The following ACOXL variants were observed in gnomAD, a reference collection of about 807,000 sequenced individuals.
The protein encoded by ACOXL is acyl-CoA oxidase like, also known as acyl-coenzyme A oxidase-like protein.
A neutral mutation model predicts 71.9 loss-of-function variants in ACOXL; 70 were observed. That is an observed-to-expected ratio of 0.97 (90% confidence interval 0.80 to 1.19). The LOEUF is 1.19. ACOXL is among the 50% of genes most tolerant of loss of function. The pLI is 0.00. For synonymous variants in ACOXL, 253 were observed against 281.6 expected, an observed-to-expected ratio of 0.90 and a Z score of 1.02; for missense variants, 703 against 736.3, an observed-to-expected ratio of 0.95 and a Z score of 0.52.
chr2:110,801,545 T>C, intron 7 of ACOXL, 107 bp from the exon 8 acceptor site: 1 of 968,722 alleles, frequency 1.0e-6, no homozygotes, highest in Middle Eastern at 2.2e-4. Flanking sequence ...CACCAACAAT[T>C]CTGGAAGTAA....
At chr2:111,019,177 T>C (rs994110997) in intron 14 of ACOXL, among the ~76,000 whole-genome samples, 1 of 152,230 alleles carries the variant, frequency 6.6e-6, no homozygotes, top group African/African-American at 2.4e-5. Context: ...GTACTCCAAA[T>C]GCATGCTTTG....
chr2:110,961,830 T>C (rs1351749713), intron 12 of ACOXL, among the ~76,000 whole-genome samples: 1 of 152,180 alleles, frequency 6.6e-6, no homozygotes, highest in East Asian at 1.9e-4. Context: ...AGAGGGCACG[T>C]GCAGGGGAAC....
At chr2:111,041,890 A>G (rs564386952) in intron 15 of ACOXL, among the ~76,000 whole-genome samples, 2 of 152,318 alleles carry the variant, frequency 1.3e-5, no homozygotes, top group Admixed American at 1.3e-4. Context: ...GCCTGAGCCA[A>G]AGACTACAGA....
At chr2:110,947,042 G>A (rs922065352) in intron 12 of ACOXL, among the ~76,000 whole-genome samples, 7 of 152,132 alleles carry the variant, frequency 4.6e-5, no homozygotes, top group African/African-American at 1.2e-4. Context: ...GCCTCTAATC[G>A]CAGTATGTAA....
chr2:110,830,367 C>T lies in ACOXL; in HGVS notation c.754-11004C>T, dbSNP rs751786512. Among the ~76,000 whole-genome samples the T allele has an allele frequency of 2.0e-5, 3 of 151,862 alleles. No homozygotes were observed. In the South Asian group the frequency reaches 6.2e-4, roughly 32 times the overall value. On this transcript the variant is annotated intron_variant, in intron 9 of 17. Coordinates refer to ENST00000439055, the MANE Select transcript of ACOXL (RefSeq NM_001142807.4). Reference sequence around the variant, plus strand: ...TACATTGTGTCTGCAGTTCCTTCCTCCCTCCCTCCCTCTCTTTCTTTCTTT... The same window carrying T: ...TACATTGTGTCTGCAGTTCCTTCCTTCCTCCCTCCCTCTCTTTCTTTCTTT...
intron 16 of ACOXL, among the ~76,000 whole-genome samples, chr2:111,060,799 A>C (rs2066777978): frequency 6.6e-6 from 1 of 152,250 alleles, no homozygotes; most frequent in Non-Finnish European, 1.5e-5. Context: ...AATCACCAAT[A>C]AAATCATCTC....
intron 1 of ACOXL, among the ~76,000 whole-genome samples, chr2:110,736,855 C>T (rs1676918966): frequency 6.6e-6 from 1 of 152,152 alleles, no homozygotes. Flanking sequence ...CTCCTGACCT[C>T]ATGATCTGCC....
chr2:110,743,612 C>T (rs573362186), intron 1 of ACOXL, among the ~76,000 whole-genome samples: 13 of 152,136 alleles, frequency 8.5e-5, no homozygotes, highest in Non-Finnish European at 1.9e-4. Context: ...TGGTGGGACA[C>T]GGGATCCTCG....
At chr2:110,963,870 C>T (rs1016327553) in intron 12 of ACOXL, among the ~76,000 whole-genome samples, 1 of 152,166 alleles carries the variant, frequency 6.6e-6, no homozygotes, top group African/African-American at 2.4e-5. Context: ...TACGTTATTT[C>T]TCTCTTAGCT....
chr2:111,027,659 T>C (rs756498832), intron 14 of ACOXL, among the ~76,000 whole-genome samples: 27 of 152,138 alleles, frequency 1.8e-4, no homozygotes, highest in Non-Finnish European at 2.1e-4. Flanking sequence ...AAAGCATAAA[T>C]ATAATTATCT....
At chr2:110,943,297 AAAG>A (rs143675307) in intron 12 of ACOXL, among the ~76,000 whole-genome samples, 2,810 of 151,500 alleles carry the variant, frequency 0.019, 32 homozygotes, top group South Asian at 0.042. Flanking sequence ...AAGGAAGGAG[AAAG>A]AAGAGAGAAA....
chr2:110,801,822 G>C, intron 8 of ACOXL, 98 bp downstream of exon 8: 1 of 1,003,164 alleles, frequency 1.0e-6, no homozygotes, highest in Non-Finnish European at 1.6e-6. Flanking sequence ...GCATGTCTGG[G>C]CATTCTTCCC....
chr2:110,779,559 A>G (rs1350173728), intron 2 of ACOXL, among the ~76,000 whole-genome samples: 1 of 152,268 alleles, frequency 6.6e-6, no homozygotes, highest in Non-Finnish European at 1.5e-5. Context: ...GACTCACTAC[A>G]TGACTTCAGC....
At chr2:111,018,957 G>A (rs2064608031) in intron 14 of ACOXL, among the ~76,000 whole-genome samples, 1 of 152,208 alleles carries the variant, frequency 6.6e-6, no homozygotes, top group Admixed American at 6.5e-5. Context: ...AATGCCTCCT[G>A]CAGCTGCCTC....
intron 6 of ACOXL, 116 bp from the exon 7 acceptor site, chr2:110,798,898 G>T: frequency 8.3e-7 from 1 of 1,209,498 alleles, no homozygotes. Context: ...TCTCATGCTT[G>T]GTGCACAGTT....
intron 13 of ACOXL, among the ~76,000 whole-genome samples, chr2:110,992,896 G>A (rs577448935): frequency 6.6e-6 from 1 of 152,266 alleles, no homozygotes; most frequent in South Asian, 2.1e-4. Flanking sequence ...ACATTATGCT[G>A]TAAAATTTAC....
intron 14 of ACOXL, among the ~76,000 whole-genome samples, chr2:111,018,962 T>A (rs1327721423): frequency 6.6e-6 from 1 of 152,214 alleles, no homozygotes; most frequent in Non-Finnish European, 1.5e-5. Context: ...CTCCTGCAGC[T>A]GCCTCATGGG....
chr2:111,029,156 C>A (rs2065149281), intron 14 of ACOXL, among the ~76,000 whole-genome samples: 1 of 152,166 alleles, frequency 6.6e-6, no homozygotes, highest in Non-Finnish European at 1.5e-5. Context: ...TTAAGAAGGA[C>A]TTAGTTGGCA....
At chr2:110,760,042 G>A (rs185828998) in intron 1 of ACOXL, among the ~76,000 whole-genome samples, 8 of 151,486 alleles carry the variant, frequency 5.3e-5, no homozygotes, top group Admixed American at 4.6e-4. Context: ...TTCTTTTATT[G>A]TGTATCCTGC....
Sources: allele counts gnomAD v4.1 joint callset (sites outside exome capture counted in the v4.1 genomes callset), GRCh38; gene constraint gnomAD v4.1.1; transcripts MANE v1.5; gene names NCBI Gene and HGNC (gene_info 2026-07-23, HGNC 2026-07-21).